Variants in PRMT3 observed in about 807,000 individuals in gnomAD.
The protein encoded by PRMT3 is protein arginine N-methyltransferase 3.
A neutral mutation model predicts 71.9 loss-of-function variants in PRMT3; 62 were observed. That is an observed-to-expected ratio of 0.86 (90% CI 0.70 to 1.07). The LOEUF (loss-of-function observed/expected upper bound fraction) is 1.07, where lower values mean the gene tolerates loss of function less well. Among genes scored for constraint, PRMT3 ranks in the 50% least tolerant of loss-of-function variants. PRMT3 has a pLI of 0.00. For missense variants in PRMT3, 663 were observed against 643.0 expected (o/e 1.03, Z -0.34); for synonymous variants, 213 against 220.4 (o/e 0.97, Z 0.30).
intron 9 of PRMT3, among the ~76,000 whole-genome samples, chr11:20,424,555 A>G (rs541315589): frequency 6.6e-6 from 1 of 152,342 alleles, no homozygotes; most frequent in African/African-American, 2.4e-5. Context: ...ACATATGGGA[A>G]AATTAAATGA....
chr11:20,389,495 A>G (rs774078222), intron 2 of PRMT3, among the ~76,000 whole-genome samples: 7 of 152,196 alleles, frequency 4.6e-5, no homozygotes, highest in Non-Finnish European at 1.0e-4. Flanking sequence ...ATTATTTGAC[A>G]AATAAATTCA....
chr11:20,473,050 T>G (rs1309922456), intron 13 of PRMT3, among the ~76,000 whole-genome samples: 1 of 152,172 alleles, frequency 6.6e-6, no homozygotes, highest in Non-Finnish European at 1.5e-5. Flanking sequence ...ATAGTTTTCT[T>G]TGATGGTTGT....
intron 13 of PRMT3, among the ~76,000 whole-genome samples, chr11:20,492,254 G>A (rs1448811621): frequency 6.6e-6 from 1 of 152,180 alleles, no homozygotes; most frequent in Non-Finnish European, 1.5e-5. Flanking sequence ...TGGTGAACAA[G>A]ACAGGCATAC....
intron 13 of PRMT3, among the ~76,000 whole-genome samples, chr11:20,476,562 C>T (rs1850791222): frequency 6.6e-6 from 1 of 152,048 alleles, no homozygotes; most frequent in Non-Finnish European, 1.5e-5. Context: ...AAACTTTGCC[C>T]CTCCCAAACC....
In PRMT3 at chr11:20,475,577, A is replaced by AT. The variant is rs397816825; in HGVS notation, c.1347+11031_1347+11032insT. Reference sequence around the variant, plus strand: ...CACATGACTCTGTTTTTACTTAAAAACCTCTTAAAGTCCTTTATTTTGGAT... The same window carrying AT: ...CACATGACTCTGTTTTTACTTAAAAATCCTCTTAAAGTCCTTTATTTTGGAT... On this transcript the variant is annotated intron_variant, in intron 13 of 15. Coordinates refer to ENST00000331079, the MANE Select transcript of PRMT3 (RefSeq NM_005788.4). Among the ~76,000 whole-genome samples, 3 of 147,680 alleles carry AT rather than the reference A, an allele frequency of 2.0e-5. No individual in the cohort carries two copies. The East Asian group carries it at 6.0e-4, about 29-fold the overall frequency.
intron 13 of PRMT3, among the ~76,000 whole-genome samples, chr11:20,475,027 A>C (rs1850745629): frequency 6.6e-6 from 1 of 152,196 alleles, no homozygotes; most frequent in Admixed American, 6.5e-5. Flanking sequence ...AACATTCTTA[A>C]ATAAGGAAGG....
chr11:20,411,202 A>G (rs536287766), intron 9 of PRMT3, among the ~76,000 whole-genome samples: 35 of 152,172 alleles, frequency 2.3e-4, no homozygotes, highest in African/African-American at 7.9e-4. Flanking sequence ...GTTTCTTAGG[A>G]TAAAATAGGT....
At chr11:20,484,152 A>G (rs1851014385) in intron 13 of PRMT3, among the ~76,000 whole-genome samples, 1 of 152,178 alleles carries the variant, frequency 6.6e-6, no homozygotes, top group Non-Finnish European at 1.5e-5. Flanking sequence ...AGGCATGCTT[A>G]GGCAGTGAGG....
At chr11:20,395,763 T>C in intron 5 of PRMT3, 40 bp from the exon 6 acceptor site, 16 of 1,581,056 alleles carry the variant, frequency 1.0e-5, no homozygotes, top group Non-Finnish European at 1.4e-5. Context: ...GTTTTATTGT[T>C]ATAAGATGGC....
rs764810644 is a variant in PRMT3 at position 20,389,794 on chromosome 11, A to G, written c.215A>G (p.Gln72Arg). 2 of 1,612,152 alleles carry G rather than the reference A, an allele frequency of 1.2e-6. No homozygotes were observed. The highest frequency in any genetic ancestry group is 1.7e-6 in the Non-Finnish European group (2 of 1,178,364). Residue 72 changes from glutamine (Q) to arginine (R), a missense_variant, in exon 3 of 16, where the codon CAG becomes CGG. Gln to Arg is a conservative substitution (Grantham distance 43). Transcript: ENST00000331079. ...ETFSHCKSEHQFNIDSMVHKH... is the reference protein window; with the variant it reads ...ETFSHCKSEHRFNIDSMVHKH... ...TTTTCACACTGTAAGTCTGAGCATC[A>G]GTTTAATATTGACAGCATGGTTCAT...
At chr11:20,477,331 T>C (rs994931850) in intron 13 of PRMT3, among the ~76,000 whole-genome samples, 6 of 152,092 alleles carry the variant, frequency 3.9e-5, no homozygotes, top group Non-Finnish European at 8.8e-5. Context: ...ATCCCAGCAC[T>C]TTTGGAGGCT....
chr11:20,507,891 G>C (rs577871719), intron 15 of PRMT3, among the ~76,000 whole-genome samples: 1 of 152,068 alleles, frequency 6.6e-6, no homozygotes, highest in African/African-American at 2.4e-5. Context: ...TGGATCACCT[G>C]AGGTCAGGAG....
chr11:20,444,301 A>G (rs1368680290), intron 10 of PRMT3, among the ~76,000 whole-genome samples: 1 of 152,176 alleles, frequency 6.6e-6, no homozygotes, highest in Non-Finnish European at 1.5e-5. Flanking sequence ...ATACTCATTC[A>G]TTTAACAAAT....
At chr11:20,493,511 T>C (rs929500478) in intron 13 of PRMT3, among the ~76,000 whole-genome samples, 2 of 152,202 alleles carry the variant, frequency 1.3e-5, no homozygotes, top group Non-Finnish European at 2.9e-5. Context: ...CTGGCATCTT[T>C]CATGCCGCTG....
chr11:20,461,523 A>C (rs1850382486), intron 11 of PRMT3, among the ~76,000 whole-genome samples: 2 of 152,236 alleles, frequency 1.3e-5, no homozygotes, highest in Admixed American at 6.5e-5. Context: ...CTATTAAATG[A>C]GAGTAATATG....
chr11:20,496,903 G>C (rs1455666231), intron 15 of PRMT3, among the ~76,000 whole-genome samples: 1 of 152,184 alleles, frequency 6.6e-6, no homozygotes, highest in Admixed American at 6.6e-5. Context: ...ATAAAACCTT[G>C]ATGGTGTCAT....
chr11:20,492,456 G>T (rs1453938081), intron 13 of PRMT3, among the ~76,000 whole-genome samples: 2 of 151,932 alleles, frequency 1.3e-5, no homozygotes, highest in Non-Finnish European at 2.9e-5. Context: ...TTCTCTCTTG[G>T]TATCTAAATT....
intron 13 of PRMT3, among the ~76,000 whole-genome samples, chr11:20,467,591 G>A (rs1028588702): frequency 6.3e-5 from 9 of 143,976 alleles, no homozygotes; most frequent in African/African-American, 2.1e-4. Context: ...GAATGAAGAG[G>A]GAAAGAGAAT....
intron 15 of PRMT3, among the ~76,000 whole-genome samples, chr11:20,500,791 T>C (rs1050356699): frequency 6.6e-6 from 1 of 152,208 alleles, no homozygotes; most frequent in African/African-American, 2.4e-5. Context: ...AGAAATAATA[T>C]TTGAGACTTT....
Sources: allele counts gnomAD v4.1 joint callset (sites outside exome capture counted in the v4.1 genomes callset), GRCh38; gene constraint gnomAD v4.1.1; transcripts MANE v1.5; gene names NCBI Gene and HGNC (gene_info 2026-07-23, HGNC 2026-07-21).